STPG2: variants seen among roughly 807,000 people sequenced by gnomAD.
STPG2 encodes sperm-tail PG-rich repeat-containing protein 2.
In STPG2, 56 loss-of-function variants were observed where a neutral mutation model predicts 54.2. The observed-to-expected ratio is 1.03, with a 90% CI of 0.83 to 1.29. The LOEUF (loss-of-function observed/expected upper bound fraction) is 1.29. Ranked by LOEUF, STPG2 falls within the 50% of genes most tolerant of loss-of-function variation. The pLI is 0.00. For synonymous variants in STPG2, 200 were observed against 181.8 expected, an observed-to-expected ratio of 1.10 and a Z score of -0.81; for missense variants, 596 against 544.9, an observed-to-expected ratio of 1.09 and a Z score of -0.93.
At chr4:97,707,565 G>A (rs1201550429) in intron 10 of STPG2, among the ~76,000 whole-genome samples, 1 of 151,878 alleles carries the variant, frequency 6.6e-6, no homozygotes, top group Non-Finnish European at 1.5e-5. Flanking sequence ...GATGGAGGGA[G>A]GGGGGAAGTA....
At chr4:97,870,949 A>T (rs1729962473) in intron 8 of STPG2, among the ~76,000 whole-genome samples, 1 of 151,148 alleles carries the variant, frequency 6.6e-6, no homozygotes, top group African/African-American at 2.4e-5. Flanking sequence ...TACATAAAAT[A>T]GAAATATTAA....
At chr4:97,661,439 C>T (rs1722374897) in intron 10 of STPG2, among the ~76,000 whole-genome samples, 1 of 152,136 alleles carries the variant, frequency 6.6e-6, no homozygotes, top group Admixed American at 6.5e-5. Context: ...CAGTCCTCCA[C>T]AATCCATATC....
rs559379673 is a variant in STPG2 at position 97,519,009 on chromosome 4, T to C, written c.462+193690A>G. On this transcript the variant is annotated intron_variant, in intron 4 of 4. Coordinates refer to the STPG2 transcript ENST00000522676. Reference sequence around the variant, plus strand: ...AATGACCCAACTATTTGTAGAACTTTAGATTCTAAGGGACAGTAGAACCAA... The same window carrying C: ...AATGACCCAACTATTTGTAGAACTTCAGATTCTAAGGGACAGTAGAACCAA... Among the ~76,000 whole-genome samples, 4 of 152,254 alleles carry C rather than the reference T, an allele frequency of 2.6e-5. No homozygotes were observed. In the East Asian group the frequency reaches 7.7e-4, roughly 29 times the overall value.
chr4:97,658,897 C>A (rs1160782193), intron 10 of STPG2, among the ~76,000 whole-genome samples: 1 of 152,098 alleles, frequency 6.6e-6, no homozygotes, highest in African/African-American at 2.4e-5. Flanking sequence ...ATAGAAATAT[C>A]ATTTAAGAAT....
chr4:97,859,173 T>C (rs573642675), intron 8 of STPG2, among the ~76,000 whole-genome samples: 1 of 152,332 alleles, frequency 6.6e-6, no homozygotes, highest in East Asian at 1.9e-4. Context: ...TTCATACGTT[T>C]GTTGGCTATT....
At chr4:97,795,558 G>A (rs1727142876) in intron 9 of STPG2, among the ~76,000 whole-genome samples, 1 of 152,148 alleles carries the variant, frequency 6.6e-6, no homozygotes, top group African/African-American at 2.4e-5. Context: ...GTATTCCATG[G>A]TGTATCTGTG....
chr4:97,734,041 T>C (rs1196988100), intron 9 of STPG2, among the ~76,000 whole-genome samples: 2 of 152,210 alleles, frequency 1.3e-5, no homozygotes, highest in Non-Finnish European at 2.9e-5. Context: ...TCCAGCACTA[T>C]ACTGATTAAA....
intron 8 of STPG2, among the ~76,000 whole-genome samples, chr4:97,895,453 A>G (rs1292061491): frequency 6.6e-6 from 1 of 151,888 alleles, no homozygotes; most frequent in Non-Finnish European, 1.5e-5. Context: ...TAGCCAATAC[A>G]AAATAAGTCC....
chr4:97,841,876 G>A (rs1293998872), intron 8 of STPG2, among the ~76,000 whole-genome samples: 3 of 151,752 alleles, frequency 2.0e-5, no homozygotes, highest in African/African-American at 7.2e-5. Context: ...AATGAGTAAA[G>A]TACTTAGCTT....
chr4:98,087,022 C>T (rs1738539020), intron 5 of STPG2, among the ~76,000 whole-genome samples: 2 of 152,150 alleles, frequency 1.3e-5, no homozygotes. Context: ...GCTCAATAAA[C>T]ATTTTTGAAA....
intron 7 of STPG2, among the ~76,000 whole-genome samples, chr4:97,956,140 TAAAC>T (rs1410434184): frequency 6.6e-6 from 1 of 152,134 alleles, no homozygotes; most frequent in East Asian, 1.9e-4. Flanking sequence ...TGACAATAAT[TAAAC>T]AAAATACAAG....
At chr4:97,584,535 A>G (rs1732943760) in intron 10 of STPG2, among the ~76,000 whole-genome samples, 1 of 152,086 alleles carries the variant, frequency 6.6e-6, no homozygotes, top group African/African-American at 2.4e-5. Context: ...CAAAGATCAG[A>G]GCAGAACTAA....
At chr4:97,571,756 C>G (rs1207129616) in intron 10 of STPG2, among the ~76,000 whole-genome samples, 1 of 152,164 alleles carries the variant, frequency 6.6e-6, no homozygotes, top group Non-Finnish European at 1.5e-5. Context: ...CCCCGACCAC[C>G]TTGGACACAA....
At chr4:97,954,699 G>A (rs1357794123) in intron 7 of STPG2, among the ~76,000 whole-genome samples, 1 of 152,162 alleles carries the variant, frequency 6.6e-6, no homozygotes, top group African/African-American at 2.4e-5. Context: ...TCATAATTGG[G>A]TTAATGTAAT....
chr4:97,571,889 A>T (rs1467155813), intron 10 of STPG2, among the ~76,000 whole-genome samples: 1 of 152,134 alleles, frequency 6.6e-6, no homozygotes, highest in Non-Finnish European at 1.5e-5. Flanking sequence ...CTTTTTCTGC[A>T]AGTATATGTA....
At chr4:98,098,632 C>T (rs1469401872) in intron 5 of STPG2, among the ~76,000 whole-genome samples, 1 of 152,008 alleles carries the variant, frequency 6.6e-6, no homozygotes, top group East Asian at 1.9e-4. Flanking sequence ...GGTATCACAT[C>T]AAGTTAAAAA....
intron 9 of STPG2, among the ~76,000 whole-genome samples, chr4:97,776,649 T>A (rs1395205211): frequency 6.6e-6 from 1 of 152,182 alleles, no homozygotes; most frequent in Non-Finnish European, 1.5e-5. Context: ...GGTATTGGAA[T>A]GATAGGTGAA....
intron 8 of STPG2, among the ~76,000 whole-genome samples, chr4:97,901,845 A>C (rs1455592851): frequency 6.6e-6 from 1 of 152,054 alleles, no homozygotes; most frequent in Non-Finnish European, 1.5e-5. Context: ...AAAGACTCCA[A>C]ATAACTAAAG....
At position 97,801,372 on chromosome 4, in the gene STPG2, A is replaced by G. The variant is rs534106462; in HGVS notation, c.1204+39401T>C. On this transcript the variant is annotated intron_variant, in intron 9 of 10. Transcript: ENST00000295268. The stretch of plus-strand genomic sequence containing the variant: ...TCATCCACCCAGCTTAAGAAAATCT[A>G]TCTCCTTCCCTTCCTACTTCCCCTT... 3.3e-5 allele frequency among the ~76,000 whole-genome samples: 5 copies of G among 152,184 alleles called. No individual in the cohort carries two copies. In the South Asian group the frequency reaches 1.0e-3, roughly 32 times the overall value.
Sources: gnomAD v4.1 joint callset for allele counts (sites outside exome capture counted in the v4.1 genomes callset) on GRCh38, gnomAD v4.1.1 for gene constraint, MANE v1.5 for transcripts, NCBI Gene and HGNC (gene_info 2026-07-23, HGNC 2026-07-21) for gene names.